The following RIMBP2 variants were observed in gnomAD, a reference collection of about 807,000 sequenced individuals.
RIMBP2 encodes RIMS-binding protein 2.
Under a neutral mutation model 118.6 loss-of-function variants are expected in RIMBP2, and 48 were observed. That is an observed-to-expected ratio of 0.40 (90% CI 0.32 to 0.51). The LOEUF is 0.51. RIMBP2 is among the 20% of genes least tolerant of loss of function. The pLI is 0.41. For synonymous variants in RIMBP2, 762 were observed against 742.9 expected (o/e 1.03, Z -0.42); for missense variants, 1,551 against 1,768.3 (o/e 0.88, Z 2.20).
intron 3 of RIMBP2, among the ~76,000 whole-genome samples, chr12:130,512,043 A>G (rs1442612671): frequency 6.6e-6 from 1 of 152,198 alleles, no homozygotes; most frequent in Non-Finnish European, 1.5e-5. Flanking sequence ...TCTCTAATTC[A>G]GCAGCCGCTG....
chr12:130,604,897 T>G (rs1000315444), intron 2 of RIMBP2, among the ~76,000 whole-genome samples: 1 of 151,526 alleles, frequency 6.6e-6, no homozygotes, highest in African/African-American at 2.4e-5. Flanking sequence ...CTCTTATCTT[T>G]TATACTGCAT....
At chr12:130,633,478 C>T (rs2062130831) in intron 1 of RIMBP2, among the ~76,000 whole-genome samples, 1 of 152,084 alleles carries the variant, frequency 6.6e-6, no homozygotes, top group Non-Finnish European at 1.5e-5. Flanking sequence ...CATCCTATCC[C>T]GAGTGTCCCG....
intron 17 of RIMBP2, among the ~76,000 whole-genome samples, chr12:130,416,965 A>T (rs534434904): frequency 2.7e-4 from 39 of 145,134 alleles, no homozygotes; most frequent in African/African-American, 9.1e-4. Flanking sequence ...AAATATATTT[A>T]AAAAATGTAT....
chr12:130,513,231 C>T (rs4759706), intron 3 of RIMBP2, among the ~76,000 whole-genome samples: 27,310 of 152,048 alleles, frequency 0.18, 2,911 homozygotes, highest in South Asian at 0.3. Context: ...GAGTGATTCT[C>T]CAAGACCTGC....
chr12:130,687,500 G>T (rs2065110346), intron 1 of RIMBP2, among the ~76,000 whole-genome samples: 1 of 152,162 alleles, frequency 6.6e-6, no homozygotes, highest in South Asian at 2.1e-4. Context: ...CAAAGAAGAT[G>T]TGTGAAAGGT....
At chr12:130,484,437 C>G (rs1198004109) in intron 4 of RIMBP2, among the ~76,000 whole-genome samples, 2 of 152,220 alleles carry the variant, frequency 1.3e-5, no homozygotes, top group Admixed American at 6.5e-5. Flanking sequence ...GCCGCCCGGC[C>G]CCTCCTGGAT....
chr12:130,648,719 C>T lies in RIMBP2; in HGVS notation c.-351-20263G>A, dbSNP rs1299571480. 9.2e-5 allele frequency among the ~76,000 whole-genome samples: 13 copies of T among 141,866 alleles called. 1 individual carries two copies. Among genetic ancestry groups the T allele is most frequent in the South Asian group, 8.7e-4 (4 of 4,580 alleles). 93.1% of individuals were successfully genotyped at this position (141,866 alleles called of 152,430 possible). On this transcript the variant is annotated intron_variant, in intron 1 of 22. Transcript: ENST00000690449. ...TTGCCCAGGCTGGAGTGCAGTGGCG[C>T]GATCTCGGCTCACCGCAACCTCCGC...
Position 130,617,187 on chromosome 12 carries a change from G to C in RIMBP2, c.-217+11135C>G, listed in dbSNP as rs7962793. Among the ~76,000 whole-genome samples, 412 of 117,352 alleles carry C rather than the reference G, an allele frequency of 3.5e-3. No individual in the cohort carries two copies. The highest frequency in any genetic ancestry group is 4.0e-3 in the Non-Finnish European group (228 of 56,836). 77.0% of individuals were successfully genotyped at this position (117,352 alleles called of 152,430 possible). ...CAACGATCCCCCACCCCCGACCCCCGCCCCGAGTTAGTGCTGCCACCTCCA... is the reference window on the plus strand; with the variant it reads ...CAACGATCCCCCACCCCCGACCCCCCCCCCGAGTTAGTGCTGCCACCTCCA... On this transcript the variant is annotated intron_variant, in intron 2 of 22. Transcript: ENST00000690449. The surrounding 1 kb of genome is among the most constrained non-coding windows in gnomAD (Gnocchi z 4.6).
intron 2 of RIMBP2, among the ~76,000 whole-genome samples, chr12:130,585,946 G>A (rs2058855640): frequency 6.6e-6 from 1 of 152,128 alleles, no homozygotes; most frequent in Non-Finnish European, 1.5e-5. Context: ...GGAGGAAATG[G>A]GCCAAAGTAC....
At position 130,578,301 on chromosome 12, in the gene RIMBP2, C is replaced by CTCACACTCGTG. The variant is rs2058228242; in HGVS notation, c.-217+50020_-217+50021insCACGAGTGTGA. Among the ~76,000 whole-genome samples the CTCACACTCGTG allele has an allele frequency of 6.6e-6, 1 of 152,202 alleles. No homozygotes were observed. Among genetic ancestry groups the CTCACACTCGTG allele is most frequent in the Non-Finnish European group, 1.5e-5 (1 of 68,042 alleles). On this transcript the variant is annotated intron_variant, in intron 2 of 22. Transcript: ENST00000690449. This position sits in a 1 kb window ranked among gnomAD's most constrained non-coding sequence, Gnocchi z 4.1. ...CTCTGGTCTACCCAATGCCTTCTGC[C>CTCACACTCGTG]CCGTTTCCAGAATCATCTTTCTCAA...
At chr12:130,408,968 C>G (rs892763083) in intron 19 of RIMBP2, among the ~76,000 whole-genome samples, 4 of 152,140 alleles carry the variant, frequency 2.6e-5, no homozygotes, top group African/African-American at 4.8e-5. Flanking sequence ...GACGCACACA[C>G]GCCTCTGTGC....
intron 2 of RIMBP2, among the ~76,000 whole-genome samples, chr12:130,624,456 T>C (rs2061504009): frequency 6.6e-6 from 1 of 152,214 alleles, no homozygotes; most frequent in African/African-American, 2.4e-5. Context: ...CCTGCCTCTA[T>C]TTTACACCAA....
At chr12:130,595,779 G>C (rs1675207196) in intron 2 of RIMBP2, among the ~76,000 whole-genome samples, 1 of 152,200 alleles carries the variant, frequency 6.6e-6, no homozygotes, top group South Asian at 2.1e-4. Context: ...CAAACGCCCT[G>C]TGCCAGGGAG....
rs1397531393 is a variant in RIMBP2, at chr12:130,683,468, T to C, written c.-352+32754A>G. On this transcript the variant is annotated intron_variant, in intron 1 of 22. Coordinates refer to ENST00000690449, the MANE Select transcript of RIMBP2 (RefSeq NM_001393629.1). The surrounding 1 kb of genome is among the most constrained non-coding windows in gnomAD (Gnocchi z 4.4). ...CTAGGAAATAAATTCTCTGGTGGTA[T>C]TGTCAGAGGCATGTGAACCAGAGCA... 6.6e-6 allele frequency among the ~76,000 whole-genome samples: 1 copy of C among 152,184 alleles called. No homozygotes were observed. The highest frequency in any genetic ancestry group is 1.5e-5 in the Non-Finnish European group (1 of 68,040).
rs386378269 is a variant in RIMBP2, at chr12:130,610,551, C to CTTTT, written c.-217+17767_-217+17770dup. 4.0e-3 allele frequency among the ~76,000 whole-genome samples: 327 copies of CTTTT among 81,552 alleles called. 51 individuals are homozygous for CTTTT. The highest frequency in any genetic ancestry group is 0.012 in the African/African-American group (250 of 21,572). 53.5% of individuals were successfully genotyped at this position (81,552 alleles called of 152,430 possible). ...GTGACTCATCAAAGTAATTTTCCTG[C>CTTTT]TTTTTTTTTTTTTTTTTTTTTTTTT... On this transcript the variant is annotated intron_variant, in intron 2 of 22. Transcript: ENST00000690449.
chr12:130,484,121 G>A (rs1233554894), intron 4 of RIMBP2, among the ~76,000 whole-genome samples: 4 of 152,248 alleles, frequency 2.6e-5, no homozygotes, highest in Admixed American at 6.5e-5. Flanking sequence ...GTCCTTGGCC[G>A]GAAGGAGCCC....
At chr12:130,458,525 C>G (rs1217554813) in intron 6 of RIMBP2, among the ~76,000 whole-genome samples, 3 of 152,144 alleles carry the variant, frequency 2.0e-5, no homozygotes, top group African/African-American at 4.8e-5. Flanking sequence ...GGGTCCTGGC[C>G]AGGGAACAGC....
rs771626273 is a variant in RIMBP2 at position 130,437,234 on chromosome 12, G to A, written c.1714C>T (p.Arg572Trp). Residue 572 changes from arginine (R) to tryptophan (W), a missense_variant, in exon 13 of 23, where the codon CGG becomes TGG. Physicochemically the swap from Arg to Trp is moderately radical, Grantham distance 101. This residue lies in a region of RIMBP2 where 1,038 missense variants were observed against 1,125.1 expected (regional missense o/e 0.92). Coordinates refer to ENST00000690449, the MANE Select transcript of RIMBP2 (RefSeq NM_001393629.1). ...GTCACGCCCTTGGCCTCCAGGCTCCGCAGCCGCACAAGCTCCACGGCCGTG... is the reference window on the plus strand; with the variant it reads ...GTCACGCCCTTGGCCTCCAGGCTCCACAGCCGCACAAGCTCCACGGCCGTG... ...DSTAVELVRL[R>W]SLEAKGVTVR... The A allele has an allele frequency of 5.7e-6, 9 of 1,585,440 alleles. No individual in the cohort carries two copies. The highest frequency in any genetic ancestry group is 2.7e-5 in the African/African-American group (2 of 74,754).
intron 1 of RIMBP2, among the ~76,000 whole-genome samples, chr12:130,638,967 TG>T (rs1231682684): frequency 2.6e-5 from 4 of 152,148 alleles, no homozygotes; most frequent in African/African-American, 9.7e-5. Context: ...ATATCAATAT[TG>T]GATCATCAAC....
Sources: gnomAD v4.1 joint callset for allele counts (sites outside exome capture counted in the v4.1 genomes callset) on GRCh38, gnomAD v4.1.1 for gene constraint, gnomAD v4.1.1 regional missense constraint, Gnocchi (gnomAD v3.1) non-coding constraint, MANE v1.5 for transcripts, NCBI Gene and HGNC (gene_info 2026-07-23, HGNC 2026-07-21) for gene names.